Variants in LIG1 observed in about 807,000 individuals in gnomAD.
LIG1 encodes DNA ligase 1.
Under a neutral mutation model 115.7 loss-of-function variants are expected in LIG1, and 70 were observed. The ratio of observed to expected loss-of-function variants is 0.60; its 90% CI spans 0.50 to 0.74. LIG1 has a LOEUF of 0.74. LIG1 is among the 30% of genes least tolerant of loss of function. The probability of loss-of-function intolerance (pLI) is 0.00; values close to 1 mark genes in which losing one functional copy is unlikely to be tolerated. For synonymous variants in LIG1, 487 were observed against 495.3 expected (o/e 0.98, Z 0.22); for missense variants, 1,115 against 1,225.6 (o/e 0.91, Z 1.35).
At chr19:48,127,161 G>C in intron 21 of LIG1, 116 bp downstream of exon 21, 1 of 845,264 alleles carries the variant, frequency 1.2e-6, no homozygotes, top group Admixed American at 1.7e-5. Flanking sequence ...CCCAAGTGTG[G>C]CTTCCTGGCC....
chr19:48,116,231 C>T, intron 26 of LIG1: 1 of 427,076 alleles, frequency 2.3e-6, no homozygotes, highest in Non-Finnish European at 4.4e-6. Flanking sequence ...ATCACGAGGT[C>T]AGGAGATGGA....
chr19:48,161,268 G>A lies in LIG1; in HGVS notation c.243+104C>T, dbSNP rs933103290. ...CCAGGAAACACATCTACCTCTCCCG[G>A]GCAATTTCTCCAGAATTCTCCTGAA... On this transcript the variant is annotated intron_variant, in intron 4 of 27. Coordinates refer to ENST00000263274, the MANE Select transcript of LIG1 (RefSeq NM_000234.3). 3.9e-6 allele frequency: 6 copies of A among 1,525,126 alleles called. No individual in the cohort carries two copies. In the African/African-American group the frequency reaches 6.8e-5, roughly 17 times the overall value. The allele number at this position is 1,525,126 out of a possible 1,614,324, so 94.5% of individuals were successfully genotyped here. A position where few individuals can be genotyped will look rare whatever the true frequency, so the allele number is the denominator to read the frequency against.
chr19:48,135,786 A>C lies in LIG1; in HGVS notation c.1424-7T>G, dbSNP rs749671824. 6.2e-7 allele frequency: 1 copy of C among 1,612,352 alleles called. No individual in the cohort carries two copies. Among genetic ancestry groups the C allele is most frequent in the South Asian group, 1.1e-5 (1 of 91,056 alleles). The stretch of plus-strand genomic sequence containing the variant: ...ACCATGGCTGGTGGGAATTCTAAGA[A>C]AAGACCCACCAGAGGCTTTGGAAGG... On this transcript the variant is annotated splice_polypyrimidine_tract_variant and splice_region_variant and intron_variant, in intron 15 of 27. Coordinates refer to ENST00000263274, the MANE Select transcript of LIG1 (RefSeq NM_000234.3).
At chr19:48,125,230 G>A (rs1286522555) in intron 21 of LIG1, among the ~76,000 whole-genome samples, 1 of 152,156 alleles carries the variant, frequency 6.6e-6, no homozygotes, top group African/African-American at 2.4e-5. Context: ...AATGCTCATG[G>A]GAGACAAAGG....
chr19:48,132,875 G>A (rs574707325), intron 18 of LIG1, 107 bp downstream of exon 18: 106 of 807,492 alleles, frequency 1.3e-4, no homozygotes, highest in Admixed American at 1.0e-4. Context: ...GCGAGGGCTC[G>A]GCAGTCTGTG....
In LIG1 at chr19:48,117,626, T is replaced by C. The variant is rs1479249209; in HGVS notation, c.2583+12A>G. ...CCCACACAGGGCCACGGCCAGGTCC[T>C]CTGCCACTCACCAGGCCCCGCGCAG... On this transcript the variant is annotated intron_variant, in intron 26 of 27. Transcript: ENST00000263274. 6.2e-7 allele frequency: 1 copy of C among 1,611,592 alleles called. No homozygotes were observed. The highest frequency in any genetic ancestry group is 8.5e-7 in the Non-Finnish European group (1 of 1,179,504).
chr19:48,120,916 G>A (rs1445627161), intron 24 of LIG1: 12 of 1,317,834 alleles, frequency 9.1e-6, no homozygotes, highest in African/African-American at 1.5e-5. Flanking sequence ...TTTCTTATGT[G>A]AGCCACCACT....
intron 4 of LIG1, among the ~76,000 whole-genome samples, chr19:48,158,154 A>G (rs1193166744): frequency 4.6e-5 from 7 of 152,266 alleles, no homozygotes; most frequent in Admixed American, 4.6e-4. Flanking sequence ...TATAGCCTGC[A>G]GGACCGTGGG....
intron 4 of LIG1, among the ~76,000 whole-genome samples, chr19:48,160,539 T>A (rs746935551): frequency 2.0e-5 from 3 of 151,646 alleles, no homozygotes; most frequent in Non-Finnish European, 4.4e-5. Flanking sequence ...TACCAGGGGG[T>A]TTGGGCAGGG....
chr19:48,135,942 TG>T, intron 15 of LIG1, 91 bp downstream of exon 15: 1 of 859,526 alleles, frequency 1.2e-6, no homozygotes, highest in Non-Finnish European at 1.7e-6. Flanking sequence ...AGGGGCCCGC[TG>T]GGGAAGGGGC....
At chr19:48,126,720 C>T (rs1376138271) in intron 21 of LIG1, among the ~76,000 whole-genome samples, 2 of 150,942 alleles carry the variant, frequency 1.3e-5, no homozygotes, top group Non-Finnish European at 2.9e-5. Context: ...AAAATAAATC[C>T]AATATGCTCA....
chr19:48,157,249 A>C (rs2035910488), intron 4 of LIG1, 109 bp from the exon 5 acceptor site: 9 of 1,278,500 alleles, frequency 7.0e-6, no homozygotes, highest in Non-Finnish European at 9.6e-6. Flanking sequence ...CTCCTTTCTG[A>C]CCCTATGGTC....
intron 19 of LIG1, among the ~76,000 whole-genome samples, chr19:48,129,915 C>T (rs529653848): frequency 6.6e-6 from 1 of 152,224 alleles, no homozygotes; most frequent in South Asian, 2.1e-4. Flanking sequence ...GCCACCACAC[C>T]CAGCTAATTT....
At position 48,133,969 on chromosome 19, in the gene LIG1, T is replaced by G. The variant is rs1318614278; in HGVS notation, c.1609+12A>C. 1.0e-5 allele frequency: 16 copies of G among 1,551,660 alleles called. No homozygotes were observed. The highest frequency in any genetic ancestry group is 1.3e-5 in the Non-Finnish European group (15 of 1,146,702). On this transcript the variant is annotated intron_variant, in intron 17 of 27. Transcript: ENST00000263274. The stretch of plus-strand genomic sequence containing the variant: ...CTGCTGCCAGGCTGGTGAGCGCCCC[T>G]GGGGCCTGTACCTGGGCTCAGCTTG...
rs939939259 is a variant in LIG1, at chr19:48,140,154, G to A, written c.915-11C>T. ...TCCACCATCCGGAGCCTGGAGGAGG[G>A]GACGGGGGTATGAACACGTGGTTCC... On this transcript the variant is annotated splice_polypyrimidine_tract_variant and intron_variant, in intron 11 of 27. Transcript: ENST00000263274. 1.9e-6 allele frequency: 3 copies of A among 1,611,180 alleles called. No homozygotes were observed. The highest frequency in any genetic ancestry group is 2.7e-5 in the African/African-American group (2 of 74,876).
chr19:48,121,333 G>A lies in LIG1; in HGVS notation c.2233-11C>T, dbSNP rs766074324. 1 of 1,592,158 alleles carries A rather than the reference G, an allele frequency of 6.3e-7. No homozygotes were observed. Among genetic ancestry groups the A allele is most frequent in the South Asian group, 1.1e-5 (1 of 89,654 alleles). ...GTAGTCCTTCTTCAGCTGGGAGAAGGGGAGGCAAGAGATGAGAAGGGGGAG... is the reference window on the plus strand; with the variant it reads ...GTAGTCCTTCTTCAGCTGGGAGAAGAGGAGGCAAGAGATGAGAAGGGGGAG... On this transcript the variant is annotated splice_polypyrimidine_tract_variant and intron_variant, in intron 23 of 27. Transcript: ENST00000263274.
intron 4 of LIG1, among the ~76,000 whole-genome samples, chr19:48,159,706 CTTAT>C (rs545767355): frequency 0.029 from 4,176 of 146,078 alleles, 131 homozygotes; most frequent in African/African-American, 0.066. Flanking sequence ...ATGCCACTTG[CTTAT>C]TTATTTATTT....
intron 11 of LIG1, 115 bp downstream of exon 11, chr19:48,143,428 C>A (rs940467560): frequency 1.7e-5 from 16 of 954,922 alleles, no homozygotes; most frequent in Middle Eastern, 3.0e-4. Context: ...TACGCCCGAG[C>A]GGGGTCAGAG....
chr19:48,143,876 A>C lies in LIG1; in HGVS notation c.857+7T>G. ...AGGGGGACAGTCTGAAAAGGGAGAA[A>C]CCTCACTTCTGGCCCGGTTTCCAGC... On this transcript the variant is annotated splice_region_variant and intron_variant, in intron 10 of 27. Coordinates refer to ENST00000263274, the MANE Select transcript of LIG1 (RefSeq NM_000234.3). 6 of 1,597,520 alleles carry C rather than the reference A, an allele frequency of 3.8e-6. No individual in the cohort carries two copies. The highest frequency in any genetic ancestry group is 4.3e-6 in the Non-Finnish European group (5 of 1,165,478).
Sources: gnomAD v4.1 joint callset for allele counts (sites outside exome capture counted in the v4.1 genomes callset) on GRCh38, gnomAD v4.1.1 for gene constraint, MANE v1.5 for transcripts, NCBI Gene and HGNC (gene_info 2026-07-23, HGNC 2026-07-21) for gene names.